TRPV3: variants seen among roughly 807,000 people sequenced by gnomAD.
The protein encoded by TRPV3 is VRL-3.
Under a neutral mutation model 87.1 loss-of-function variants are expected in TRPV3, and 88 were observed. The ratio of observed to expected loss-of-function variants is 1.01; its 90% confidence interval spans 0.85 to 1.21. The LOEUF is 1.21. Ranked by LOEUF, TRPV3 falls within the 50% of genes most tolerant of loss-of-function variation. The probability of loss-of-function intolerance (pLI) is 0.00; values close to 1 mark genes in which losing one functional copy is unlikely to be tolerated. For missense variants in TRPV3, 1,054 were observed against 1,030.1 expected (o/e 1.02, Z -0.32); for synonymous variants, 438 against 423.3 (o/e 1.03, Z -0.43).
At chr17:3,544,361 C>T (rs2074502192) in intron 4 of TRPV3, among the ~76,000 whole-genome samples, 1 of 152,160 alleles carries the variant, frequency 6.6e-6, no homozygotes, top group Non-Finnish European at 1.5e-5. Flanking sequence ...TCCACTGCAT[C>T]CTGCTGTTTG....
chr17:3,518,889 C>T lies in TRPV3; in HGVS notation c.1811-39G>A. 6.3e-7 allele frequency: 1 copy of T among 1,587,396 alleles called. No homozygotes were observed. The highest frequency in any genetic ancestry group is 8.6e-7 in the Non-Finnish European group (1 of 1,166,070). On this transcript the variant is annotated intron_variant, in intron 14 of 17. Coordinates refer to ENST00000576742, the MANE Select transcript of TRPV3 (RefSeq NM_145068.4). This position sits in a 1 kb window ranked among gnomAD's most constrained non-coding sequence, Gnocchi z 4.3. Reference sequence around the variant, plus strand: ...ACAGGGTGCTCTCCTCAGCTCTCTGCCTGGTAATTACTCTACAAGCTTGCG... The same window carrying T: ...ACAGGGTGCTCTCCTCAGCTCTCTGTCTGGTAATTACTCTACAAGCTTGCG...
At chr17:3,538,443 A>C (rs1007063418) in intron 6 of TRPV3, among the ~76,000 whole-genome samples, 4 of 151,944 alleles carry the variant, frequency 2.6e-5, no homozygotes, top group African/African-American at 7.2e-5. Flanking sequence ...AGAACAAAAA[A>C]AAAAAAAAAA....
At chr17:3,539,462 G>C (rs1199219108) in intron 6 of TRPV3, 1 of 152,134 alleles carries the variant, frequency 6.6e-6, no homozygotes, top group Non-Finnish European at 1.5e-5. Context: ...GACCAGCCTG[G>C]GCAACATGGT....
intron 6 of TRPV3, among the ~76,000 whole-genome samples, chr17:3,541,151 A>T (rs1462100279): frequency 6.6e-6 from 1 of 152,160 alleles, no homozygotes; most frequent in Non-Finnish European, 1.5e-5. Flanking sequence ...GGATCACCTG[A>T]GGTTGGGAGT....
chr17:3,537,391 C>T (rs2074417345), intron 6 of TRPV3, among the ~76,000 whole-genome samples: 1 of 151,982 alleles, frequency 6.6e-6, no homozygotes, highest in African/African-American at 2.4e-5. Context: ...TACATATATA[C>T]ACACACACGT....
In TRPV3 at chr17:3,511,595, A is replaced by G. The variant is rs1488855511; in HGVS notation, c.*2322T>C. On this transcript the variant is annotated 3_prime_UTR_variant, in exon 18 of 18. Transcript: ENST00000576742. ...TGGCTGAAAGCCTTTTGGGGTGGAC[A>G]CTGTTGGGAAGAATATCCAATACAG... 6.6e-6 allele frequency: 1 copy of G among 152,242 alleles called. No homozygotes were observed. Among genetic ancestry groups the G allele is most frequent in the African/African-American group, 2.4e-5 (1 of 41,456 alleles). 9.4% of individuals were successfully genotyped at this position (152,242 alleles called of 1,614,324 possible). A position where few individuals can be genotyped will look rare whatever the true frequency, so the allele number is the denominator to read the frequency against.
intron 6 of TRPV3, among the ~76,000 whole-genome samples, chr17:3,539,810 G>A (rs1325012109): frequency 6.6e-6 from 1 of 152,010 alleles, no homozygotes; most frequent in Non-Finnish European, 1.5e-5. Context: ...GCTTAAAAAA[G>A]TAAAACTCTG....
intron 2 of TRPV3, among the ~76,000 whole-genome samples, chr17:3,546,125 G>A (rs1345134749): frequency 2.6e-5 from 4 of 152,116 alleles, no homozygotes; most frequent in Non-Finnish European, 4.4e-5. Context: ...GATTCATCTT[G>A]CGCTCAGTAA....
chr17:3,525,050 TG>T (rs2074283777), intron 12 of TRPV3, among the ~76,000 whole-genome samples: 1 of 152,162 alleles, frequency 6.6e-6, no homozygotes, highest in Admixed American at 6.5e-5. Flanking sequence ...GACAGGGTCT[TG>T]CTCTGTCACC....
chr17:3,545,577 A>G (rs1431723749), intron 2 of TRPV3, among the ~76,000 whole-genome samples: 1 of 152,128 alleles, frequency 6.6e-6, no homozygotes, highest in Non-Finnish European at 1.5e-5. Context: ...CGGGAAGAAG[A>G]CACACAAGCC....
chr17:3,545,172 C>A lies in TRPV3; in HGVS notation c.219G>T (p.Arg73=). ...GGGCTGGGGCCCGTACTCACCACTG[C>A]CGGATGTTGGAATCCATGGGCTTGG... ...VFSKPMDSNI[R]QCISGNCDDM... is the part of the protein sequence containing the mutation. Residue 73 remains arginine (R), a synonymous_variant, in exon 3 of 18, where the codon CGG becomes CGT. Transcript: ENST00000576742. 1 of 1,613,450 alleles carries A rather than the reference C, an allele frequency of 6.2e-7. No individual in the cohort carries two copies. The highest frequency in any genetic ancestry group is 8.5e-7 in the Non-Finnish European group (1 of 1,179,562).
At chr17:3,527,536 C>A (rs1219344811) in intron 11 of TRPV3, among the ~76,000 whole-genome samples, 1 of 152,172 alleles carries the variant, frequency 6.6e-6, no homozygotes, top group Admixed American at 6.5e-5. Flanking sequence ...TCCTCCAGGG[C>A]CACACATATA....
chr17:3,524,340 A>G lies in TRPV3; in HGVS notation c.1601T>C (p.Ile534Thr). The change falls in exon 13 of 18, where the codon ATA (isoleucine) becomes ACA (threonine). Residue 534 changes from isoleucine (I) to threonine (T), a missense_variant. Transcript: ENST00000576742. ...FVFFIQAVLV[I>T]LSVFLYLFAY... ...AAACAAGTACAAGAAGACAGACAGT[A>G]TCACAAGCACAGCTTGGATAAAACT... 2 of 1,614,266 alleles carry G rather than the reference A, an allele frequency of 1.2e-6. No individual in the cohort carries two copies. The highest frequency in any genetic ancestry group is 1.7e-6 in the Non-Finnish European group (2 of 1,180,050).
Position 3,557,269 on chromosome 17 carries a change from C to T in TRPV3, c.-3+407G>A, listed in dbSNP as rs1423082349. Among the ~76,000 whole-genome samples, 4 of 152,118 alleles carry T rather than the reference C, an allele frequency of 2.6e-5. No homozygotes were observed. The highest frequency in any genetic ancestry group is 6.5e-5 in the Admixed American group (1 of 15,274). On this transcript the variant is annotated intron_variant, in intron 1 of 17. Coordinates refer to ENST00000576742, the MANE Select transcript of TRPV3 (RefSeq NM_145068.4). This position sits in a 1 kb window ranked among gnomAD's most constrained non-coding sequence, Gnocchi z 4.5. ...CAGCACCTGTGAGATGCCTGGGCCC[C>T]GTCTGTCTCCCACGGTGGGGCCACC...
chr17:3,545,967 G>A (rs909453274), intron 2 of TRPV3, among the ~76,000 whole-genome samples: 63 of 144,986 alleles, frequency 4.3e-4, no homozygotes, highest in African/African-American at 1.6e-3. Context: ...TCCAGGCTGC[G>A]TGACAGAGCA....
At position 3,556,858 on chromosome 17, in the gene TRPV3, A is replaced by T. The variant is rs2074637816; in HGVS notation, c.-3+818T>A. Among the ~76,000 whole-genome samples the T allele has an allele frequency of 6.6e-6, 1 of 152,062 alleles. No homozygotes were observed. The highest frequency in any genetic ancestry group is 2.1e-4 in the South Asian group (1 of 4,820). On this transcript the variant is annotated intron_variant, in intron 1 of 17. Coordinates refer to ENST00000576742, the MANE Select transcript of TRPV3 (RefSeq NM_145068.4). The surrounding 1 kb of genome is among the most constrained non-coding windows in gnomAD (Gnocchi z 4.2). ...CCCATCCCCACGTGGCCTTTGGTGG[A>T]CTAAAAGGCTGGGATGCACCGAGCG...
intron 13 of TRPV3, among the ~76,000 whole-genome samples, chr17:3,522,640 C>T (rs898006396): frequency 5.4e-5 from 8 of 148,554 alleles, no homozygotes; most frequent in East Asian, 2.0e-4. Flanking sequence ...GCCAACATGG[C>T]GAAACCCCAT....
At chr17:3,523,893 T>TACACACACACACACAC (rs1247800485) in intron 13 of TRPV3, among the ~76,000 whole-genome samples, 162 of 148,030 alleles carry the variant, frequency 1.1e-3, no homozygotes, top group African/African-American at 3.9e-3. Flanking sequence ...ATATTCCACC[T>TACACACACACACACAC]ACACACACAC....
In TRPV3 at chr17:3,513,618, TG is replaced by T. The variant is rs2074142390; in HGVS notation, c.*298del. ...TCTCCCAGCCAAGCCGACCTGCAAT[TG>T]GTAAAACCAGAGGCTTCACCCGGGA... On this transcript the variant is annotated 3_prime_UTR_variant, in exon 18 of 18. Transcript: ENST00000576742. 1 of 300,396 alleles carries T rather than the reference TG, an allele frequency of 3.3e-6. No homozygotes were observed. The highest frequency in any genetic ancestry group is 9.3e-5 in the South Asian group (1 of 10,708). 18.6% of individuals were successfully genotyped at this position (300,396 alleles called of 1,614,324 possible).
Sources: allele counts gnomAD v4.1 joint callset (sites outside exome capture counted in the v4.1 genomes callset), GRCh38; gene constraint gnomAD v4.1.1; non-coding constraint Gnocchi (gnomAD v3.1); transcripts MANE v1.5; gene names NCBI Gene and HGNC (gene_info 2026-07-23, HGNC 2026-07-21).